The following IRS1 variants were observed in gnomAD, a reference collection of about 807,000 sequenced individuals.
The protein encoded by IRS1 is insulin receptor substrate 1.
Under a neutral mutation model 65.6 loss-of-function variants are expected in IRS1, and 34 were observed. That is an observed-to-expected ratio of 0.52 (90% CI 0.39 to 0.69). The LOEUF (loss-of-function observed/expected upper bound fraction) is 0.69, where lower values mean the gene tolerates loss of function less well. Ranked by LOEUF, IRS1 falls within the 30% of genes least tolerant of loss-of-function variation. The pLI is 0.00. For synonymous variants in IRS1, 699 were observed against 683.5 expected (o/e 1.02, Z -0.35); for missense variants, 1,641 against 1,720.2 (o/e 0.95, Z 0.81).
intron 1 of IRS1, among the ~76,000 whole-genome samples, chr2:226,779,549 C>G (rs1448158109): frequency 6.6e-6 from 1 of 152,126 alleles, no homozygotes; most frequent in Non-Finnish European, 1.5e-5. Context: ...TAGAAAGCAG[C>G]AAAAATGTGA....
chr2:226,795,945 T>G lies in IRS1; in HGVS notation c.2794A>C (p.Arg932=). 6.2e-7 allele frequency: 1 copy of G among 1,614,082 alleles called. No homozygotes were observed. Among genetic ancestry groups the G allele is most frequent in the Non-Finnish European group, 8.5e-7 (1 of 1,180,040 alleles). ...RCPSQLQPAP[R]EEETGTEEYM... ...TCCTCAGTGCCAGTCTCTTCCTCTC[T>G]GGGAGCTGGCTGGAGCTGGGATGGA... Residue 932 remains arginine (R), a synonymous_variant, in exon 1 of 2, where the codon AGA becomes CGA. Coordinates refer to ENST00000305123, the MANE Select transcript of IRS1 (RefSeq NM_005544.3).
At chr2:226,773,538 A>T (rs935522732) in intron 1 of IRS1, among the ~76,000 whole-genome samples, 3 of 152,098 alleles carry the variant, frequency 2.0e-5, no homozygotes, top group Non-Finnish European at 4.4e-5. Context: ...TCGGTGAGAG[A>T]GAAAGAAAAA....
intron 1 of IRS1, among the ~76,000 whole-genome samples, chr2:226,787,753 C>T (rs144064292): frequency 5.7e-4 from 87 of 152,170 alleles, no homozygotes; most frequent in African/African-American, 2.0e-3. Flanking sequence ...CCCTAAAACT[C>T]AAGGGTAAAC....
chr2:226,767,479 A>T (rs1939078086), intron 1 of IRS1, among the ~76,000 whole-genome samples: 1 of 152,170 alleles, frequency 6.6e-6, no homozygotes, highest in Non-Finnish European at 1.5e-5. Context: ...CCCCACCCCC[A>T]ACAAAAGGGC....
intron 1 of IRS1, among the ~76,000 whole-genome samples, chr2:226,766,155 ATATATATATT>A (rs1291677473): frequency 1.8e-4 from 1 of 5,510 alleles, no homozygotes; most frequent in African/African-American, 5.1e-4. Context: ...ATATATATAT[ATATATATATT>A]TTTTTTTTTT....
intron 1 of IRS1, among the ~76,000 whole-genome samples, chr2:226,785,862 T>C (rs1174574929): frequency 6.7e-6 from 1 of 148,352 alleles, no homozygotes; most frequent in African/African-American, 2.5e-5. Flanking sequence ...CATTTAGCAT[T>C]AGGTATATCT....
At chr2:226,775,715 T>C (rs1444595689) in intron 1 of IRS1, among the ~76,000 whole-genome samples, 2 of 152,218 alleles carry the variant, frequency 1.3e-5, no homozygotes, top group Non-Finnish European at 2.9e-5. Flanking sequence ...TCAGGATTCC[T>C]GTGCCTACCA....
At chr2:226,776,280 T>C (rs1295618027) in intron 1 of IRS1, among the ~76,000 whole-genome samples, 1 of 151,832 alleles carries the variant, frequency 6.6e-6, no homozygotes, top group African/African-American at 2.4e-5. Flanking sequence ...TAAGCAGCCA[T>C]GAGTCCATAC....
intron 1 of IRS1, among the ~76,000 whole-genome samples, chr2:226,746,110 C>T (rs1938538679): frequency 6.6e-6 from 1 of 151,336 alleles, no homozygotes; most frequent in Admixed American, 6.6e-5. Context: ...ATCAGAAAGG[C>T]CACTTTTATT....
chr2:226,753,118 TCTGC>T (rs1938716903), intron 1 of IRS1, among the ~76,000 whole-genome samples: 1 of 152,176 alleles, frequency 6.6e-6, no homozygotes, highest in Non-Finnish European at 1.5e-5. Context: ...ACACTGAAGC[TCTGC>T]CTCTTTGCAG....
chr2:226,797,206 T>A lies in IRS1; in HGVS notation c.1533A>T (p.Ala511=). Residue 511 remains alanine (A), a synonymous_variant, in exon 1 of 2, where the codon GCA becomes GCT. Transcript: ENST00000305123. The surrounding 1 kb of genome is among the most constrained non-coding windows in gnomAD (Gnocchi z 8.1). Reference sequence around the variant, plus strand: ...GATTATCCAGATCTGCAGCACTGGCTGCTTCATCCCCAGCCAAGGCTGGAC... The same window carrying A: ...GATTATCCAGATCTGCAGCACTGGCAGCTTCATCCCCAGCCAAGGCTGGAC... ...GTSPALAGDE[A]ASAADLDNRF... 1 of 1,613,818 alleles carries A rather than the reference T, an allele frequency of 6.2e-7. No individual in the cohort carries two copies. The highest frequency in any genetic ancestry group is 8.5e-7 in the Non-Finnish European group (1 of 1,180,018).
chr2:226,790,717 AAGG>A lies in IRS1; in HGVS notation c.*21+4269_*21+4271del, dbSNP rs9282768. Among the ~76,000 whole-genome samples, 100 of 152,256 alleles carry A rather than the reference AAGG, an allele frequency of 6.6e-4. 1 individual carries two copies. In the East Asian group the frequency reaches 0.018, roughly 28 times the overall value. On this transcript the variant is annotated intron_variant, in intron 1 of 1. Coordinates refer to ENST00000305123, the MANE Select transcript of IRS1 (RefSeq NM_005544.3). ...GGTGAGAAATGCTTATTTGAGAGGG[AAGG>A]AGGAGGAGGAGAAAATACTCCCATA...
intron 1 of IRS1, among the ~76,000 whole-genome samples, chr2:226,756,607 C>T (rs1938807273): frequency 6.6e-6 from 1 of 152,158 alleles, no homozygotes; most frequent in African/African-American, 2.4e-5. Flanking sequence ...TGACCTAAGG[C>T]TCAGGGATTC....
chr2:226,739,579 C>A (rs554862251), intron 1 of IRS1, among the ~76,000 whole-genome samples: 2 of 152,156 alleles, frequency 1.3e-5, no homozygotes, highest in African/African-American at 4.8e-5. Context: ...TTGTTCCCAG[C>A]GAGGTATTAT....
intron 1 of IRS1, among the ~76,000 whole-genome samples, chr2:226,793,116 G>T (rs939512516): frequency 6.6e-6 from 1 of 152,052 alleles, no homozygotes; most frequent in African/African-American, 2.4e-5. Context: ...ACACATAGGA[G>T]AATTTTATTT....
intron 1 of IRS1, among the ~76,000 whole-genome samples, chr2:226,758,333 C>T (rs946963516): frequency 9.9e-5 from 15 of 152,172 alleles, no homozygotes; most frequent in African/African-American, 3.6e-4. Context: ...CATTAGTCTA[C>T]TACCATGACC....
Position 226,796,305 on chromosome 2 carries a change from T to C in IRS1, c.2434A>G (p.Ser812Gly). 6.2e-7 allele frequency: 1 copy of C among 1,613,492 alleles called. No homozygotes were observed. Among genetic ancestry groups the C allele is most frequent in the South Asian group, 1.1e-5 (1 of 91,086 alleles). Residue 812 changes from serine (S) to glycine (G), a missense_variant, in exon 1 of 2, where the codon AGC (serine) becomes GGC (glycine). Coordinates refer to ENST00000305123, the MANE Select transcript of IRS1 (RefSeq NM_005544.3). Reference sequence around the variant, plus strand: ...TATCCCCCACCCAGGCTGTCGCTGCTGGTGGAAGAGGAAGAATCATCTGCT... The same window carrying C: ...TATCCCCCACCCAGGCTGTCGCTGCCGGTGGAAGAGGAAGAATCATCTGCT... ...ATADDSSSST[S>G]SDSLGGGYCG...
intron 1 of IRS1, among the ~76,000 whole-genome samples, chr2:226,762,660 A>G (rs1395341797): frequency 2.6e-5 from 4 of 152,172 alleles, no homozygotes; most frequent in African/African-American, 4.8e-5. Context: ...ATTTGGCCCT[A>G]GTTTGCTGGC....
At chr2:226,766,152 TATATATATATA>T (rs1325306609) in intron 1 of IRS1, among the ~76,000 whole-genome samples, 1 of 14,632 alleles carries the variant, frequency 6.8e-5, no homozygotes, top group Non-Finnish European at 1.4e-4. Context: ...TATATATATA[TATATATATATA>T]TTTTTTTTTT....
Sources: gnomAD v4.1 joint callset for allele counts (sites outside exome capture counted in the v4.1 genomes callset) on GRCh38, gnomAD v4.1.1 for gene constraint, Gnocchi (gnomAD v3.1) non-coding constraint, MANE v1.5 for transcripts, NCBI Gene and HGNC (gene_info 2026-07-23, HGNC 2026-07-21) for gene names.